Variants in CCDC195 observed in about 807,000 individuals in gnomAD.
The protein encoded by CCDC195 is coiled-coil domain-containing protein 195.
chr2:224,713,809 T>TC (rs1443499985), intron 1 of CCDC195, among the ~76,000 whole-genome samples: 1 of 150,560 alleles, frequency 6.6e-6, no homozygotes, highest in Non-Finnish European at 1.5e-5. Flanking sequence ...CAGTATTTTT[T>TC]TTTTTTTTTT....
chr2:224,708,227 G>A (rs1689252702), intron 2 of CCDC195, among the ~76,000 whole-genome samples: 1 of 152,136 alleles, frequency 6.6e-6, no homozygotes, highest in Admixed American at 6.5e-5. Flanking sequence ...ATTGGTGCAT[G>A]TAACATTAAT....
At chr2:224,708,966 A>G (rs190743187) in intron 2 of CCDC195, among the ~76,000 whole-genome samples, 15 of 152,208 alleles carry the variant, frequency 9.9e-5, no homozygotes, top group Non-Finnish European at 7.4e-5. Flanking sequence ...AGTTGTGCAG[A>G]TAAATTAGGC....
intron 2 of CCDC195, among the ~76,000 whole-genome samples, chr2:224,706,109 G>A (rs1343919296): frequency 6.7e-6 from 1 of 148,566 alleles, no homozygotes; most frequent in Non-Finnish European, 1.5e-5. Flanking sequence ...CATCTCAATG[G>A]TAGTTATTCA....
At chr2:224,716,222 G>A (rs190515241) in exon 1 of CCDC195, 16 of 398,666 alleles carry the variant, frequency 4.0e-5, no homozygotes, top group Admixed American at 8.8e-5. Context: ...CCTCCCTTTC[G>A]TCTCCTGATT....
chr2:224,704,588 C>CG (rs1697215063), intron 2 of CCDC195, among the ~76,000 whole-genome samples: 1 of 113,814 alleles, frequency 8.8e-6, no homozygotes, highest in Admixed American at 8.1e-5. Flanking sequence ...CACAGCTGCA[C>CG]CTTTTTTTTT....
intron 2 of CCDC195, among the ~76,000 whole-genome samples, chr2:224,704,934 C>G (rs1216426551): frequency 6.6e-6 from 1 of 152,120 alleles, no homozygotes; most frequent in African/African-American, 2.4e-5. Context: ...GCCAGCTGCA[C>G]CCTCTTTTGG....
At chr2:224,713,176 C>T (rs1460754316) in intron 1 of CCDC195, among the ~76,000 whole-genome samples, 1 of 152,162 alleles carries the variant, frequency 6.6e-6, no homozygotes, top group South Asian at 2.1e-4. Context: ...CTCTAACGTT[C>T]CTTTCTAGTA....
At chr2:224,710,287 A>T (rs1043902655) in intron 1 of CCDC195, 68 bp from the exon 2 acceptor site, 2 of 397,944 alleles carry the variant, frequency 5.0e-6, no homozygotes, top group Non-Finnish European at 4.4e-6. Context: ...ATGAAAAATG[A>T]TAGAATTTTA....
intron 2 of CCDC195, among the ~76,000 whole-genome samples, chr2:224,706,870 T>A (rs1327024936): frequency 6.6e-6 from 1 of 150,852 alleles, no homozygotes; most frequent in African/African-American, 2.4e-5. Context: ...GATATATATA[T>A]ATGTATGTGT....
intron 2 of CCDC195, among the ~76,000 whole-genome samples, chr2:224,707,055 C>G (rs1351107699): frequency 6.6e-6 from 1 of 151,974 alleles, no homozygotes; most frequent in East Asian, 1.9e-4. Context: ...ATAAATAAAT[C>G]TTGTTGGCTC....
intron 2 of CCDC195, among the ~76,000 whole-genome samples, chr2:224,704,811 G>A (rs965339104): frequency 2.0e-5 from 3 of 151,890 alleles, no homozygotes; most frequent in South Asian, 2.1e-4. Flanking sequence ...TAGTAGAGAC[G>A]AGTTTTCGCC....
intron 2 of CCDC195, among the ~76,000 whole-genome samples, chr2:224,704,941 T>C (rs1466904799): frequency 6.6e-6 from 1 of 152,072 alleles, no homozygotes; most frequent in African/African-American, 2.4e-5. Flanking sequence ...GCACCCTCTT[T>C]TGGGAGGTAG....
chr2:224,704,589 CT>C (rs34251679), intron 2 of CCDC195, among the ~76,000 whole-genome samples: 10 of 126,760 alleles, frequency 7.9e-5, no homozygotes, highest in Non-Finnish European at 1.3e-4. Context: ...ACAGCTGCAC[CT>C]TTTTTTTTTC....
intron 2 of CCDC195, among the ~76,000 whole-genome samples, chr2:224,707,579 C>G (rs933066023): frequency 6.6e-6 from 1 of 152,132 alleles, no homozygotes; most frequent in Non-Finnish European, 1.5e-5. Flanking sequence ...TTATTTTTTG[C>G]TTTGGTACTT....
intron 1 of CCDC195, among the ~76,000 whole-genome samples, chr2:224,714,879 A>G (rs187330405): frequency 6.6e-6 from 1 of 152,292 alleles, no homozygotes; most frequent in East Asian, 1.9e-4. Context: ...GCGAGAACCA[A>G]CCGGCAAATA....
chr2:224,710,981 C>A (rs933025229), intron 1 of CCDC195, among the ~76,000 whole-genome samples: 1 of 152,070 alleles, frequency 6.6e-6, no homozygotes, highest in African/African-American at 2.4e-5. Flanking sequence ...TAAAAATAGA[C>A]CTTAAAATTG....
chr2:224,706,765 C>T (rs1193676523), intron 2 of CCDC195, among the ~76,000 whole-genome samples: 1 of 151,776 alleles, frequency 6.6e-6, no homozygotes, highest in Non-Finnish European at 1.5e-5. Flanking sequence ...CCACCTCAGC[C>T]TCCCAAAGTG....
chr2:224,710,109 C>T (rs1027982799), exon 2 of CCDC195: 2 of 398,572 alleles, frequency 5.0e-6, no homozygotes, highest in East Asian at 7.1e-5. Flanking sequence ...GTTCTCTGAC[C>T]TTCTAGAATT....
intron 1 of CCDC195, among the ~76,000 whole-genome samples, chr2:224,713,317 A>T (rs1312421218): frequency 6.6e-6 from 1 of 152,246 alleles, no homozygotes; most frequent in Non-Finnish European, 1.5e-5. Context: ...CAATGATATT[A>T]TGACAACTAT....
Sources: allele counts gnomAD v4.1 joint callset (sites outside exome capture counted in the v4.1 genomes callset), GRCh38; gene constraint gnomAD v4.1.1; transcripts MANE v1.5; gene names NCBI Gene and HGNC (gene_info 2026-07-23, HGNC 2026-07-21).